Variants in FHIT observed in about 807,000 individuals in gnomAD.
The protein encoded by FHIT is fragile histidine triad diadenosine triphosphatase.
FHIT carries 19 observed loss-of-function variants against 17.9 expected under a neutral mutation model. The ratio of observed to expected loss-of-function variants is 1.06; its 90% CI spans 0.74 to 1.56. FHIT has a LOEUF of 1.56. FHIT is among the 40% of genes most tolerant of loss of function. The pLI, the probability that FHIT is intolerant of heterozygous loss-of-function variation, is 0.00. For missense variants in FHIT, 248 were observed against 189.2 expected, an observed-to-expected ratio of 1.31 and a Z score of -1.82; for synonymous variants, 81 against 69.7, an observed-to-expected ratio of 1.16 and a Z score of -0.81.
chr3:59,884,505 T>C (rs1028100383), intron 8 of FHIT, among the ~76,000 whole-genome samples: 2 of 152,192 alleles, frequency 1.3e-5, no homozygotes, highest in Admixed American at 1.3e-4. Context: ...AACTTTATTA[T>C]GGTTGGAAAC....
chr3:60,704,562 G>A (rs1222321962), intron 4 of FHIT, among the ~76,000 whole-genome samples: 1 of 152,238 alleles, frequency 6.6e-6, no homozygotes, highest in East Asian at 1.9e-4. Context: ...GACATTTCAA[G>A]GGGTTATTGT....
chr3:60,935,638 C>T (rs747050014), intron 3 of FHIT, among the ~76,000 whole-genome samples: 39 of 152,182 alleles, frequency 2.6e-4, no homozygotes, highest in Non-Finnish European at 5.3e-4. Context: ...AGGGTGCATC[C>T]GTCGATAACT....
chr3:61,189,764 C>T lies in FHIT; in HGVS notation c.-164+10853G>A, dbSNP rs565868965. On this transcript the variant is annotated intron_variant, in intron 2 of 9. Coordinates refer to ENST00000492590, the MANE Select transcript of FHIT (RefSeq NM_002012.4). The stretch of plus-strand genomic sequence containing the variant: ...TAGATCAATGGAACAGAACAGAGCC[C>T]TCAGAAATAATGCCACATATCTACA... 3.6e-3 allele frequency among the ~76,000 whole-genome samples: 546 copies of T among 152,092 alleles called. 1 individual carries two copies. The highest frequency in any genetic ancestry group is 0.013 in the African/African-American group (524 of 41,474).
At chr3:60,647,541 G>A (rs1424128844) in intron 4 of FHIT, among the ~76,000 whole-genome samples, 3 of 152,130 alleles carry the variant, frequency 2.0e-5, no homozygotes, top group African/African-American at 7.2e-5. Flanking sequence ...ATCCCTGGTT[G>A]TCCTCTCCTC....
At chr3:60,826,849 A>G (rs1233436872) in intron 3 of FHIT, among the ~76,000 whole-genome samples, 1 of 152,106 alleles carries the variant, frequency 6.6e-6, no homozygotes, top group South Asian at 2.1e-4. Flanking sequence ...AACCTTTTTA[A>G]AAGCACATTG....
chr3:60,483,540 A>G (rs186450090), intron 5 of FHIT, among the ~76,000 whole-genome samples: 83 of 152,310 alleles, frequency 5.4e-4, no homozygotes, highest in African/African-American at 1.9e-3. Flanking sequence ...AACTCAATAA[A>G]CGTAATCTAT....
intron 3 of FHIT, among the ~76,000 whole-genome samples, chr3:60,861,173 CTATGATATATATGATA>C (rs1351418863): frequency 8.4e-4 from 1 of 1,184 alleles, no homozygotes; most frequent in Non-Finnish European, 3.2e-3. Context: ...ATCATATGTT[CTATGATATATATGATA>C]TATATCATAT....
chr3:61,101,131 T>C (rs1034985342), intron 2 of FHIT, among the ~76,000 whole-genome samples: 13 of 152,212 alleles, frequency 8.5e-5, no homozygotes, highest in African/African-American at 3.1e-4. Context: ...TGAAACTCTT[T>C]GCCCATGCCT....
intron 7 of FHIT, among the ~76,000 whole-genome samples, chr3:59,956,741 C>G (rs1374685158): frequency 6.6e-6 from 1 of 152,184 alleles, no homozygotes; most frequent in African/African-American, 2.4e-5. Context: ...GGGATAAGAA[C>G]AGTAGCCACC....
intron 4 of FHIT, among the ~76,000 whole-genome samples, chr3:60,592,243 T>A (rs1359645461): frequency 3.5e-5 from 5 of 144,904 alleles, no homozygotes; most frequent in Non-Finnish European, 6.1e-5. Context: ...ATATATTCCA[T>A]ATATATACTA....
chr3:59,800,334 C>T (rs901789075), intron 8 of FHIT, among the ~76,000 whole-genome samples: 4 of 152,182 alleles, frequency 2.6e-5, no homozygotes, highest in African/African-American at 9.7e-5. Context: ...GAACTCAACA[C>T]GACTCTTTAA....
At chr3:60,051,213 T>TA (rs927489212) in intron 5 of FHIT, among the ~76,000 whole-genome samples, 21 of 151,724 alleles carry the variant, frequency 1.4e-4, no homozygotes, top group Non-Finnish European at 2.9e-4. Context: ...TGCATAGTGT[T>TA]AAAAAAATTA....
intron 3 of FHIT, among the ~76,000 whole-genome samples, chr3:60,976,040 T>C (rs73102209): frequency 0.094 from 14,256 of 151,298 alleles, 937 homozygotes; most frequent in East Asian, 0.24. Context: ...TGAAGCAAGA[T>C]GCTTTCTTCA....
chr3:60,897,250 A>G (rs1705870842), intron 3 of FHIT, among the ~76,000 whole-genome samples: 1 of 152,202 alleles, frequency 6.6e-6, no homozygotes, highest in Admixed American at 6.5e-5. Flanking sequence ...GAAGTTGAAC[A>G]TATTTTCATA....
intron 5 of FHIT, among the ~76,000 whole-genome samples, chr3:60,037,298 A>G (rs1161236149): frequency 6.6e-6 from 1 of 152,188 alleles, no homozygotes; most frequent in African/African-American, 2.4e-5. Context: ...TGTTTTCCAT[A>G]CTGCCAAATA....
rs1553677014 is a variant in FHIT, at chr3:59,788,881, G to GTTTTTGTTTTTTTTT, written c.349-36561_349-36560insAAAAAAAAACAAAAA. On this transcript the variant is annotated intron_variant, in intron 8 of 9. Transcript: ENST00000492590. The stretch of plus-strand genomic sequence containing the variant: ...ACCACGTTCTTTGCTGAGTTCATAT[G>GTTTTTGTTTTTTTTT]TTTTTTTTTTTTACCCCATCTCCAA... 3.5e-5 allele frequency among the ~76,000 whole-genome samples: 3 copies of GTTTTTGTTTTTTTTT among 86,804 alleles called. 1 individual carries two copies. The highest frequency in any genetic ancestry group is 6.1e-5 in the Non-Finnish European group (3 of 49,070). The allele number at this position is 86,804 out of a possible 152,430, so 56.9% of individuals were successfully genotyped here.
intron 2 of FHIT, among the ~76,000 whole-genome samples, chr3:61,081,606 T>C (rs539800518): frequency 6.6e-6 from 1 of 152,308 alleles, no homozygotes; most frequent in East Asian, 1.9e-4. Flanking sequence ...AGACTTCTGG[T>C]AGAATCCTTC....
intron 5 of FHIT, among the ~76,000 whole-genome samples, chr3:60,473,644 C>T (rs530611102): frequency 1.3e-5 from 2 of 152,134 alleles, no homozygotes; most frequent in East Asian, 1.9e-4. Flanking sequence ...CTCAGCTGGG[C>T]GCAGTGGCTC....
chr3:61,211,784 G>A (rs9856559), intron 1 of FHIT, among the ~76,000 whole-genome samples: 35,174 of 152,044 alleles, frequency 0.23, 4,456 homozygotes, highest in East Asian at 0.42. Flanking sequence ...CACCTCACAC[G>A]GCCGGGTACT....
Sources: allele counts gnomAD v4.1 joint callset (sites outside exome capture counted in the v4.1 genomes callset), GRCh38; gene constraint gnomAD v4.1.1; transcripts MANE v1.5; gene names NCBI Gene and HGNC (gene_info 2026-07-23, HGNC 2026-07-21).